Variants in CACNA2D2 observed in about 807,000 individuals in gnomAD.
The protein encoded by CACNA2D2 is calcium voltage-gated channel auxiliary subunit alpha2delta 2.
In CACNA2D2, 48 loss-of-function variants were observed where a neutral mutation model predicts 166.4. The observed-to-expected ratio is 0.29, with a 90% CI of 0.23 to 0.37. The LOEUF (loss-of-function observed/expected upper bound fraction) is 0.37, where lower values mean the gene tolerates loss of function less well. Among genes scored for constraint, CACNA2D2 ranks in the 10% least tolerant of loss-of-function variants. The pLI is 1.00. For synonymous variants in CACNA2D2, 561 were observed against 573.7 expected (o/e 0.98, Z 0.32); for missense variants, 1,122 against 1,433.0 (o/e 0.78, Z 3.50).
rs1704214306 is a variant in CACNA2D2 at position 50,365,610 on chromosome 3, G to A, written c.2971+23C>T. The A allele has an allele frequency of 3.8e-6, 6 of 1,572,836 alleles. No homozygotes were observed. On this transcript the variant is annotated intron_variant, in intron 34 of 37. Transcript: ENST00000424201. The surrounding 1 kb of genome is among the most constrained non-coding windows in gnomAD (Gnocchi z 4.5). ...CAGATTGGGGACCCGGACTTGAGGA[G>A]GCGCCTCCAAAGCCCTACCTACCTG...
At chr3:50,468,697 T>C (rs1363581931) in intron 2 of CACNA2D2, among the ~76,000 whole-genome samples, 4 of 152,010 alleles carry the variant, frequency 2.6e-5, no homozygotes, top group African/African-American at 9.7e-5. Context: ...GAACCCCCGA[T>C]CCTCAGCTCT....
chr3:50,426,180 T>C (rs966927770), intron 3 of CACNA2D2, among the ~76,000 whole-genome samples: 3 of 152,216 alleles, frequency 2.0e-5, no homozygotes, highest in South Asian at 2.1e-4. Flanking sequence ...ACCCAGGCAG[T>C]GACCAGGGTT....
rs1192046148 is a variant in CACNA2D2 at position 50,375,965 on chromosome 3, C to T, written c.1771G>A (p.Glu591Lys). The T allele has an allele frequency of 1.9e-6, 3 of 1,613,332 alleles. No individual in the cohort carries two copies. Among genetic ancestry groups the T allele is most frequent in the Middle Eastern group, 1.7e-4 (1 of 6,058 alleles). The change falls in exon 19 of 38, where the codon GAG (glutamate) becomes AAG (lysine). Residue 591 changes from glutamate to lysine, a missense_variant and splice_region_variant. Physicochemically the swap from Glu to Lys is moderately conservative, Grantham distance 56. Coordinates refer to ENST00000424201, the MANE Select transcript of CACNA2D2 (RefSeq NM_006030.4). This position sits in a 1 kb window ranked among gnomAD's most constrained non-coding sequence, Gnocchi z 4.0. ...CCCTGTTCTCCTCCTCTCCTTACCT[C>T]TTCCTTGTTCTCATCCTCTAGCTCC... ...DAELEDENKE[E>K]IRRSMIDGNK...
chr3:50,449,315 A>G (rs1164835701), intron 2 of CACNA2D2, among the ~76,000 whole-genome samples: 7 of 152,236 alleles, frequency 4.6e-5, no homozygotes. Context: ...GGAAGAGGGT[A>G]GCAGGAATTG....
chr3:50,453,277 C>T (rs1709192761), intron 2 of CACNA2D2, among the ~76,000 whole-genome samples: 1 of 152,194 alleles, frequency 6.6e-6, no homozygotes, highest in African/African-American at 2.4e-5. Flanking sequence ...TGTGCCACCT[C>T]CCAAGTCCTA....
At chr3:50,404,878 A>G (rs73833363) in intron 3 of CACNA2D2, among the ~76,000 whole-genome samples, 15,142 of 152,182 alleles carry the variant, frequency 0.099, 2,197 homozygotes, top group African/African-American at 0.32. Context: ...AGCTGCCTGG[A>G]ATGGCACCGT....
Position 50,377,524 on chromosome 3 carries a change from GC to G in CACNA2D2, c.1568del (p.Gly523AlafsTer2). Reference sequence around the variant, plus strand: ...TCAGAGCCACGTCAATGCCCATCACGCCCAGGATCAGCTGGTTCTGGGAGCA... The same window carrying G: ...TCAGAGCCACGTCAATGCCCATCACGCCAGGATCAGCTGGTTCTGGGAGCA... ...PGEKKNQLILGVMGIDVALND... is the reference protein window; with the variant it reads ...PGEKKNQLILXVMGIDVALND... On this transcript the variant is annotated frameshift_variant, in exon 17 of 38. Transcript: ENST00000424201. LOFTEE classifies it high-confidence loss of function. 6.2e-7 allele frequency: 1 copy of G among 1,613,292 alleles called. No homozygotes were observed. The highest frequency in any genetic ancestry group is 8.5e-7 in the Non-Finnish European group (1 of 1,179,938).
At chr3:50,459,442 C>T (rs4688721) in intron 2 of CACNA2D2, among the ~76,000 whole-genome samples, 6,157 of 152,212 alleles carry the variant, frequency 0.04, 848 homozygotes, top group East Asian at 0.34. Context: ...AACTCTCTCA[C>T]CTGACTCGTG....
intron 4 of CACNA2D2, among the ~76,000 whole-genome samples, chr3:50,389,416 C>A (rs931628575): frequency 4.6e-5 from 7 of 152,084 alleles, no homozygotes; most frequent in Non-Finnish European, 1.0e-4. Flanking sequence ...TCTTTCCCTC[C>A]GTAATGAAAG....
chr3:50,428,344 G>A (rs545064756), intron 3 of CACNA2D2, among the ~76,000 whole-genome samples: 1 of 152,144 alleles, frequency 6.6e-6, no homozygotes, highest in East Asian at 1.9e-4. Flanking sequence ...GTGGGAGCTG[G>A]GTAGGATGGT....
intron 4 of CACNA2D2, among the ~76,000 whole-genome samples, chr3:50,389,550 G>T (rs1271150498): frequency 3.3e-5 from 5 of 152,198 alleles, no homozygotes; most frequent in Non-Finnish European, 7.4e-5. Flanking sequence ...CAGCCCTCAG[G>T]AGCCCTAGGC....
chr3:50,407,933 CCT>C (rs1706802515), intron 3 of CACNA2D2, among the ~76,000 whole-genome samples: 1 of 152,190 alleles, frequency 6.6e-6, no homozygotes, highest in South Asian at 2.1e-4. Context: ...CTGATTTAGG[CCT>C]TCGATTCTCC....
chr3:50,453,779 G>T (rs1156701294), intron 2 of CACNA2D2, among the ~76,000 whole-genome samples: 1 of 152,176 alleles, frequency 6.6e-6, no homozygotes, highest in Admixed American at 6.5e-5. Flanking sequence ...TGTCTTGAGG[G>T]CTTCAGACAG....
At chr3:50,481,290 G>A (rs987822767) in intron 1 of CACNA2D2, among the ~76,000 whole-genome samples, 7 of 152,076 alleles carry the variant, frequency 4.6e-5, no homozygotes, top group Non-Finnish European at 8.8e-5. Context: ...CAAGGGGCTC[G>A]GAACACCCGA....
At chr3:50,422,501 C>T (rs1707620356) in intron 3 of CACNA2D2, among the ~76,000 whole-genome samples, 1 of 152,210 alleles carries the variant, frequency 6.6e-6, no homozygotes, top group Non-Finnish European at 1.5e-5. Flanking sequence ...AGTCAAGTGA[C>T]AGGGATCTTC....
At chr3:50,416,985 G>A (rs1198045552) in intron 3 of CACNA2D2, among the ~76,000 whole-genome samples, 1 of 152,206 alleles carries the variant, frequency 6.6e-6, no homozygotes, top group East Asian at 1.9e-4. Context: ...TCCACATGGG[G>A]ACATGGGCTC....
At chr3:50,460,609 C>CT (rs1709546389) in intron 2 of CACNA2D2, among the ~76,000 whole-genome samples, 1 of 152,024 alleles carries the variant, frequency 6.6e-6, no homozygotes, top group East Asian at 1.9e-4. Context: ...AATCCCAGCA[C>CT]TTTGGGAGGC....
intron 22 of CACNA2D2, chr3:50,373,109 A>AAGC: frequency 6.5e-7 from 1 of 1,534,356 alleles, no homozygotes; most frequent in Non-Finnish European, 8.7e-7. Context: ...CCAAGAGAGA[A>AAGC]AGCGAGGAAA....
chr3:50,418,546 G>C (rs914900590), intron 3 of CACNA2D2, among the ~76,000 whole-genome samples: 1 of 152,208 alleles, frequency 6.6e-6, no homozygotes, highest in Non-Finnish European at 1.5e-5. Context: ...TCCCAGGGCC[G>C]GTCAGGGTGT....
Sources: allele counts gnomAD v4.1 joint callset (sites outside exome capture counted in the v4.1 genomes callset), GRCh38; gene constraint gnomAD v4.1.1; non-coding constraint Gnocchi (gnomAD v3.1); transcripts MANE v1.5; gene names NCBI Gene and HGNC (gene_info 2026-07-23, HGNC 2026-07-21).